PRKAG2: variants seen among roughly 807,000 people sequenced by gnomAD.
The protein encoded by PRKAG2 is protein kinase AMP-activated non-catalytic subunit gamma 2.
Under a neutral mutation model 69.6 loss-of-function variants are expected in PRKAG2, and 26 were observed. That is an observed-to-expected ratio of 0.37 (90% confidence interval 0.27 to 0.52). The LOEUF is 0.52. Ranked by LOEUF, PRKAG2 falls within the 20% of genes least tolerant of loss-of-function variation. The pLI, the probability that PRKAG2 is intolerant of heterozygous loss-of-function variation, is 0.90. For synonymous variants in PRKAG2, 293 were observed against 285.0 expected (o/e 1.03, Z -0.28); for missense variants, 557 against 740.0 (o/e 0.75, Z 2.87).
chr7:151,862,062 G>A (rs1182469655), intron 1 of PRKAG2, among the ~76,000 whole-genome samples: 1 of 152,006 alleles, frequency 6.6e-6, no homozygotes, highest in Non-Finnish European at 1.5e-5. Context: ...AGAGGTCCCT[G>A]AAGGGGATGA....
chr7:151,667,369 G>A (rs902696713), intron 4 of PRKAG2, among the ~76,000 whole-genome samples: 17 of 152,192 alleles, frequency 1.1e-4, no homozygotes, highest in Non-Finnish European at 1.6e-4. Context: ...TCTCAGAGCT[G>A]TCAACCATCT....
At chr7:151,822,511 C>T (rs1482262786) in intron 1 of PRKAG2, among the ~76,000 whole-genome samples, 1 of 152,182 alleles carries the variant, frequency 6.6e-6, no homozygotes, top group Middle Eastern at 3.2e-3. Flanking sequence ...ACGCGGCGGC[C>T]CAGGTCCAGG....
intron 1 of PRKAG2, among the ~76,000 whole-genome samples, chr7:151,863,867 G>A (rs1233655196): frequency 2.0e-5 from 3 of 150,316 alleles, no homozygotes; most frequent in Non-Finnish European, 2.9e-5. Context: ...TCGCACCACC[G>A]CACTCCAGCC....
At chr7:151,794,356 C>T (rs551937576) in intron 1 of PRKAG2, among the ~76,000 whole-genome samples, 3 of 152,380 alleles carry the variant, frequency 2.0e-5, no homozygotes, top group South Asian at 2.1e-4. Flanking sequence ...TCTGCATTCA[C>T]GTCTTATGTG....
At position 151,632,512 on chromosome 7, in the gene PRKAG2, G is replaced by T; in HGVS notation, c.685-374C>A. On this transcript the variant is annotated intron_variant, in intron 4 of 15. Transcript: ENST00000287878. This position sits in a 1 kb window ranked among gnomAD's most constrained non-coding sequence, Gnocchi z 4.2. Reference sequence around the variant, plus strand: ...GGCCGTGGCCCGCGTCCTCCCCGCCGTGCCGCCATTGGGAGAGGCCCGCGG... The same window carrying T: ...GGCCGTGGCCCGCGTCCTCCCCGCCTTGCCGCCATTGGGAGAGGCCCGCGG... 1.1e-6 allele frequency: 1 copy of T among 918,730 alleles called. No individual in the cohort carries two copies. The highest frequency in any genetic ancestry group is 1.3e-6 in the Non-Finnish European group (1 of 770,334). The allele number at this position is 918,730 out of a possible 1,614,324, so 56.9% of individuals were successfully genotyped here.
intron 1 of PRKAG2, among the ~76,000 whole-genome samples, chr7:151,867,827 T>A (rs925285579): frequency 3.9e-5 from 6 of 152,204 alleles, no homozygotes; most frequent in Non-Finnish European, 8.8e-5. Flanking sequence ...TATTCACAAG[T>A]GGAGAATTTG....
chr7:151,759,432 G>A (rs2075289502), intron 3 of PRKAG2, among the ~76,000 whole-genome samples: 3 of 152,156 alleles, frequency 2.0e-5, no homozygotes, highest in South Asian at 2.1e-4. Flanking sequence ...GTATCCCCAC[G>A]AGGGCAGGGA....
intron 4 of PRKAG2, among the ~76,000 whole-genome samples, chr7:151,647,704 G>C (rs1034339627): frequency 6.6e-6 from 1 of 152,222 alleles, no homozygotes; most frequent in Non-Finnish European, 1.5e-5. Context: ...AGACCACTGG[G>C]AGTGAAAGGA....
intron 3 of PRKAG2, among the ~76,000 whole-genome samples, chr7:151,758,039 C>A (rs573675122): frequency 6.6e-6 from 1 of 152,236 alleles, no homozygotes; most frequent in African/African-American, 2.4e-5. Context: ...TATTCTCCAC[C>A]TTTTGCTTTG....
chr7:151,832,604 G>GGA (rs1554614866), intron 1 of PRKAG2, among the ~76,000 whole-genome samples: 1 of 151,316 alleles, frequency 6.6e-6, no homozygotes, highest in Non-Finnish European at 1.5e-5. Flanking sequence ...CTGGGGGGGG[G>GGA]GTCCCAGCAC....
intron 3 of PRKAG2, among the ~76,000 whole-genome samples, chr7:151,679,234 C>T (rs1003442527): frequency 3.3e-5 from 5 of 152,192 alleles, no homozygotes; most frequent in South Asian, 2.1e-4. Context: ...GAGGCCTGCC[C>T]GGGGCCTCTC....
At position 151,773,189 on chromosome 7, in the gene PRKAG2, A is replaced by G. The variant is rs1213786291; in HGVS notation, c.466+7963T>C. 9.4e-5 allele frequency among the ~76,000 whole-genome samples: 14 copies of G among 149,482 alleles called. No individual in the cohort carries two copies. In the East Asian group the frequency reaches 2.2e-3, roughly 23 times the overall value. On this transcript the variant is annotated intron_variant, in intron 3 of 15. Coordinates refer to ENST00000287878, the MANE Select transcript of PRKAG2 (RefSeq NM_016203.4). ...AGCAAGGAAGGAAGGAAGGAAGGAAAGAAAGAAGGAAAGAAAGAAAGGAAA... is the reference window on the plus strand; with the variant it reads ...AGCAAGGAAGGAAGGAAGGAAGGAAGGAAAGAAGGAAAGAAAGAAAGGAAA...
intron 4 of PRKAG2, among the ~76,000 whole-genome samples, chr7:151,647,785 T>TA (rs1192969575): frequency 2.0e-5 from 3 of 152,134 alleles, no homozygotes; most frequent in South Asian, 2.1e-4. Flanking sequence ...TTTGGCAATA[T>TA]AAAAAAATCC....
intron 1 of PRKAG2, among the ~76,000 whole-genome samples, chr7:151,870,635 G>A (rs1396984069): frequency 1.3e-5 from 2 of 152,120 alleles, no homozygotes; most frequent in Non-Finnish European, 2.9e-5. Context: ...CCAGCCCCGG[G>A]GCAGGACGGG....
chr7:151,790,065 C>T (rs60568501), intron 1 of PRKAG2, among the ~76,000 whole-genome samples: 8,707 of 152,184 alleles, frequency 0.057, 444 homozygotes, highest in African/African-American at 0.13. Flanking sequence ...TACCATCCAC[C>T]CCTCCTGTGA....
At chr7:151,773,028 A>AAAGAAAGAAAGAGG (rs767583881) in intron 3 of PRKAG2, among the ~76,000 whole-genome samples, 8 of 50,894 alleles carry the variant, frequency 1.6e-4, no homozygotes, top group Admixed American at 4.2e-4. Context: ...AAAGAAAGAG[A>AAAGAAAGAAAGAGG]GAGAGAGAGA....
At chr7:151,826,148 T>C (rs1233684359) in intron 1 of PRKAG2, among the ~76,000 whole-genome samples, 2 of 151,428 alleles carry the variant, frequency 1.3e-5, no homozygotes, top group Non-Finnish European at 2.9e-5. Context: ...TCTCTCTTTC[T>C]CCATCTCTCC....
At chr7:151,682,803 A>AGAGGAGAGG (rs1315694613) in intron 3 of PRKAG2, among the ~76,000 whole-genome samples, 1 of 138,380 alleles carries the variant, frequency 7.2e-6, no homozygotes, top group East Asian at 2.3e-4. Flanking sequence ...AGCTCAGGGA[A>AGAGGAGAGG]GAGGAGAGGG....
Position 151,699,758 on chromosome 7 carries a change from T to C in PRKAG2, c.467-24121A>G, listed in dbSNP as rs979025072. On this transcript the variant is annotated intron_variant, in intron 3 of 15. Coordinates refer to ENST00000287878, the MANE Select transcript of PRKAG2 (RefSeq NM_016203.4). This position sits in a 1 kb window ranked among gnomAD's most constrained non-coding sequence, Gnocchi z 4.5. ...GACACGTCAATCTTTTCATCAATCA[T>C]TGAAAGCAGGACGAGGAGGCTGGGA... is the stretch of plus-strand genomic sequence containing the variant. Among the ~76,000 whole-genome samples, 1 of 152,102 alleles carries C rather than the reference T, an allele frequency of 6.6e-6. No individual in the cohort carries two copies. The highest frequency in any genetic ancestry group is 2.4e-5 in the African/African-American group (1 of 41,408).
Sources: allele counts gnomAD v4.1 joint callset (sites outside exome capture counted in the v4.1 genomes callset), GRCh38; gene constraint gnomAD v4.1.1; non-coding constraint Gnocchi (gnomAD v3.1); transcripts MANE v1.5; gene names NCBI Gene and HGNC (gene_info 2026-07-23, HGNC 2026-07-21).